TTC13: variants seen among roughly 807,000 people sequenced by gnomAD.
The protein encoded by TTC13 is tetratricopeptide repeat protein 13.
In TTC13, 62 loss-of-function variants were observed where a neutral mutation model predicts 120.0. The observed-to-expected ratio is 0.52, with a 90% CI of 0.42 to 0.64. The LOEUF (loss-of-function observed/expected upper bound fraction) is 0.64. Among genes scored for constraint, TTC13 ranks in the 30% least tolerant of loss-of-function variants. The probability of loss-of-function intolerance (pLI) is 0.00; values close to 1 mark genes in which losing one functional copy is unlikely to be tolerated. For missense variants in TTC13, 824 were observed against 1,050.2 expected (o/e 0.78, Z 2.98); for synonymous variants, 384 against 393.5 (o/e 0.98, Z 0.28).
At position 230,908,709 on chromosome 1, in the gene TTC13, T is replaced by C. The variant is rs1671188897; in HGVS notation, c.2468+3A>G. 2 of 1,612,720 alleles carry C rather than the reference T, an allele frequency of 1.2e-6. No individual in the cohort carries two copies. Among genetic ancestry groups the C allele is most frequent in the Non-Finnish European group, 8.5e-7 (1 of 1,178,906 alleles). ...CTTGTGTGGACCCCCCTCAAGTAGT[T>C]ACCTTTTCAAGTTCATCCAGCTTTT... On this transcript the variant is annotated splice_donor_region_variant and intron_variant, in intron 22 of 22. Transcript: ENST00000366661.
At chr1:230,933,675 TC>T (rs1297494072) in intron 9 of TTC13, 103 bp downstream of exon 9, 4 of 596,122 alleles carry the variant, frequency 6.7e-6, no homozygotes, top group Non-Finnish European at 8.7e-6. Context: ...AATACCCATC[TC>T]CTTTGGTTAA....
Position 230,906,542 on chromosome 1 carries a change from G to A in TTC13, c.*363C>T, listed in dbSNP as rs1430872815. On this transcript the variant is annotated 3_prime_UTR_variant, in exon 23 of 23. Transcript: ENST00000366661. Reference sequence around the variant, plus strand: ...TTGAAAAATATCCAGATCTCTAAAGGAATACAAACACTCCTATTTGGTTTT... The same window carrying A: ...TTGAAAAATATCCAGATCTCTAAAGAAATACAAACACTCCTATTTGGTTTT... The A allele has an allele frequency of 6.5e-6, 1 of 154,342 alleles. No individual in the cohort carries two copies. The highest frequency in any genetic ancestry group is 1.4e-5 in the Non-Finnish European group (1 of 69,310). 9.6% of individuals were successfully genotyped at this position (154,342 alleles called of 1,614,324 possible).
intron 9 of TTC13, among the ~76,000 whole-genome samples, 165 bp from the exon 10 acceptor site, chr1:230,932,042 C>T (rs1673609904): frequency 6.6e-6 from 1 of 152,130 alleles, no homozygotes; most frequent in Admixed American, 6.5e-5. Context: ...TCACTTACTT[C>T]TAAATCTCAC....
At chr1:230,934,634 T>C (rs939018230) in intron 8 of TTC13, among the ~76,000 whole-genome samples, 1 of 152,192 alleles carries the variant, frequency 6.6e-6, no homozygotes, top group Non-Finnish European at 1.5e-5. Context: ...TAAACCAACA[T>C]TAAATGTACT....
intron 3 of TTC13, among the ~76,000 whole-genome samples, chr1:230,957,314 C>T (rs1676186946): frequency 6.6e-6 from 1 of 152,096 alleles, no homozygotes; most frequent in Non-Finnish European, 1.5e-5. Flanking sequence ...GTGGTGTGCA[C>T]CTGTAATCCT....
intron 18 of TTC13, among the ~76,000 whole-genome samples, chr1:230,914,979 G>C (rs6677795): frequency 6.6e-6 from 1 of 151,572 alleles, no homozygotes; most frequent in Non-Finnish European, 1.5e-5. Flanking sequence ...GATACACATC[G>C]TGGATGTGTG....
At position 230,923,883 on chromosome 1, in the gene TTC13, C is replaced by G. The variant is rs201348752; in HGVS notation, c.1772G>C (p.Arg591Pro). 1,083 of 1,613,888 alleles carry G rather than the reference C, an allele frequency of 6.7e-4. No individual in the cohort carries two copies. Among genetic ancestry groups the G allele is most frequent in the Non-Finnish European group, 8.8e-4 (1,039 of 1,179,904 alleles). Reference sequence around the variant, plus strand: ...GTTGTTAAAACCTCTGCTAAGACTTCGTGCTGGCATTTGATCTAACCACAG... The same window carrying G: ...GTTGTTAAAACCTCTGCTAAGACTTGGTGCTGGCATTTGATCTAACCACAG... ...PVLWLDQMPARSLSRGFNNHI... is the reference protein window; with the variant it reads ...PVLWLDQMPAPSLSRGFNNHI... Residue 591 changes from arginine to proline, a missense_variant, in exon 15 of 23, where the codon CGA becomes CCA. Arg to Pro is a moderately radical substitution (Grantham distance 103). Around this residue, in one of 4 missense-constraint regions of TTC13, gnomAD observed 430 missense variants for 626.8 expected, o/e 0.69. Coordinates refer to ENST00000366661, the MANE Select transcript of TTC13 (RefSeq NM_024525.5).
chr1:230,908,612 G>A, intron 22 of TTC13, 100 bp downstream of exon 22: 1 of 841,250 alleles, frequency 1.2e-6, no homozygotes, highest in Non-Finnish European at 1.9e-6. Flanking sequence ...ATAAAAATGA[G>A]TATAACAGTT....
At chr1:230,907,068 C>CA (rs764338278) in intron 22 of TTC13, 49 bp from the exon 23 acceptor site, 31 of 817,288 alleles carry the variant, frequency 3.8e-5, no homozygotes, top group South Asian at 1.9e-4. Context: ...ACAAAATTTG[C>CA]AAAAAAAGGG....
intron 1 of TTC13, among the ~76,000 whole-genome samples, chr1:230,971,408 C>T (rs2103004656): frequency 6.6e-6 from 1 of 150,884 alleles, no homozygotes; most frequent in South Asian, 2.1e-4. Flanking sequence ...GCTCAATGGC[C>T]CCGAAATATG....
intron 1 of TTC13, among the ~76,000 whole-genome samples, chr1:230,976,993 A>G (rs1012922236): frequency 3.9e-5 from 6 of 152,342 alleles, no homozygotes; most frequent in Admixed American, 1.3e-4. Context: ...ATATGCAAGT[A>G]AATACTTCAG....
intron 1 of TTC13, among the ~76,000 whole-genome samples, chr1:230,975,779 G>A (rs1678242081): frequency 6.6e-6 from 1 of 152,144 alleles, no homozygotes; most frequent in Non-Finnish European, 1.5e-5. Context: ...GGCACCAGAG[G>A]GACATCCATG....
intron 15 of TTC13, 80 bp downstream of exon 15, chr1:230,923,761 G>T: frequency 8.6e-7 from 1 of 1,168,158 alleles, no homozygotes; most frequent in Non-Finnish European, 1.2e-6. Context: ...AAGGAGCAAT[G>T]GGTCACTCCT....
chr1:230,959,150 G>A (rs149934489), intron 2 of TTC13, among the ~76,000 whole-genome samples: 1 of 152,278 alleles, frequency 6.6e-6, no homozygotes, highest in African/African-American at 2.4e-5. Context: ...AAATTGCTTA[G>A]AGGCAAGAAA....
intron 4 of TTC13, among the ~76,000 whole-genome samples, chr1:230,952,290 C>T (rs1370012059): frequency 6.6e-6 from 1 of 152,018 alleles, no homozygotes; most frequent in African/African-American, 2.4e-5. Flanking sequence ...CCACATCTGC[C>T]ATGATGTGGA....
chr1:230,970,661 A>C (rs1377928380), intron 1 of TTC13, among the ~76,000 whole-genome samples: 4 of 152,144 alleles, frequency 2.6e-5, no homozygotes, highest in Admixed American at 2.6e-4. Context: ...ACCTCCAAGG[A>C]AGGAGAGAAG....
rs767613359 is a variant in TTC13 at position 230,912,615 on chromosome 1, A to G, written c.2229+8T>C. On this transcript the variant is annotated splice_region_variant and intron_variant, in intron 19 of 22. Transcript: ENST00000366661. ...AGAGCAGAAAAATGGAAACAAAGAG[A>G]AACCTACCCCAAATTCTGATGAAAG... 5.0e-6 allele frequency: 8 copies of G among 1,608,374 alleles called. No homozygotes were observed. The highest frequency in any genetic ancestry group is 6.8e-6 in the Non-Finnish European group (8 of 1,178,964).
intron 1 of TTC13, 66 bp from the exon 2 acceptor site, chr1:230,961,369 A>C: frequency 8.1e-7 from 1 of 1,236,188 alleles, no homozygotes. Context: ...CTTAACTATG[A>C]ATTAGAATTT....
intron 8 of TTC13, among the ~76,000 whole-genome samples, chr1:230,938,485 C>A (rs1050474616): frequency 1.3e-5 from 2 of 152,212 alleles, no homozygotes; most frequent in Non-Finnish European, 2.9e-5. Context: ...GGCTGGAGGC[C>A]ACGTTTCTGC....
Sources: gnomAD v4.1 joint callset for allele counts (sites outside exome capture counted in the v4.1 genomes callset) on GRCh38, gnomAD v4.1.1 for gene constraint, gnomAD v4.1.1 regional missense constraint, MANE v1.5 for transcripts, NCBI Gene and HGNC (gene_info 2026-07-23, HGNC 2026-07-21) for gene names.